Variants in LDB2 observed in about 807,000 individuals in gnomAD.
LDB2 encodes LIM domain-binding protein 2.
Under a neutral mutation model 44.3 loss-of-function variants are expected in LDB2, and 12 were observed. The observed-to-expected ratio is 0.27, with a 90% CI of 0.17 to 0.44. The LOEUF (loss-of-function observed/expected upper bound fraction) is 0.44. LDB2 is among the 20% of genes least tolerant of loss of function. The pLI is 1.00. For missense variants in LDB2, 344 were observed against 473.5 expected (o/e 0.73, Z 2.54); for synonymous variants, 164 against 174.8 (o/e 0.94, Z 0.49).
At chr4:16,730,496 A>T (rs1020690240) in intron 2 of LDB2, among the ~76,000 whole-genome samples, 6 of 152,208 alleles carry the variant, frequency 3.9e-5, no homozygotes, top group Non-Finnish European at 5.9e-5. Context: ...ACAGATTTTT[A>T]AAAAATAATA....
chr4:16,817,114 G>A (rs917552916), intron 1 of LDB2, among the ~76,000 whole-genome samples: 1 of 152,144 alleles, frequency 6.6e-6, no homozygotes, highest in Non-Finnish European at 1.5e-5. Context: ...GGCATGTAAC[G>A]CACTCTTAGT....
intron 2 of LDB2, among the ~76,000 whole-genome samples, chr4:16,616,754 G>C (rs1727454339): frequency 6.6e-6 from 1 of 152,102 alleles, no homozygotes; most frequent in Admixed American, 6.5e-5. Context: ...CAGGGACATA[G>C]AGCTTGGCTG....
intron 1 of LDB2, among the ~76,000 whole-genome samples, chr4:16,857,600 G>A (rs976499098): frequency 3.3e-5 from 5 of 152,080 alleles, no homozygotes; most frequent in East Asian, 1.9e-4. Context: ...ACTCTGCTCC[G>A]AGCACAAAGA....
intron 1 of LDB2, among the ~76,000 whole-genome samples, chr4:16,894,471 A>C (rs1580563580): frequency 6.6e-6 from 1 of 152,178 alleles, no homozygotes; most frequent in African/African-American, 2.4e-5. Flanking sequence ...GCAGCATTTA[A>C]AATATACTTT....
chr4:16,876,556 G>A (rs749339696), intron 1 of LDB2, among the ~76,000 whole-genome samples: 1 of 152,114 alleles, frequency 6.6e-6, no homozygotes, highest in African/African-American at 2.4e-5. Context: ...GTGAGTTACT[G>A]TTGCTATAGA....
intron 2 of LDB2, chr4:16,674,302 C>T: frequency 7.8e-7 from 1 of 1,282,898 alleles, no homozygotes. Context: ...CCTCTGGCAT[C>T]TGCCGCTGAA....
At chr4:16,797,740 G>A (rs770847264) in intron 1 of LDB2, among the ~76,000 whole-genome samples, 1 of 151,852 alleles carries the variant, frequency 6.6e-6, no homozygotes, top group Non-Finnish European at 1.5e-5. Context: ...CACTACTTAA[G>A]AGCTGTATAA....
chr4:16,668,987 C>G (rs887977503), intron 2 of LDB2, among the ~76,000 whole-genome samples: 1 of 152,182 alleles, frequency 6.6e-6, no homozygotes, highest in African/African-American at 2.4e-5. Flanking sequence ...GTCACATGCT[C>G]ATCTCTATAC....
At chr4:16,843,409 A>G (rs1010703038) in intron 1 of LDB2, among the ~76,000 whole-genome samples, 5 of 152,152 alleles carry the variant, frequency 3.3e-5, no homozygotes, top group Non-Finnish European at 7.4e-5. Flanking sequence ...GACAACAAAC[A>G]GTTGTAAATG....
chr4:16,723,308 A>C (rs1758709846), intron 2 of LDB2, among the ~76,000 whole-genome samples: 1 of 152,186 alleles, frequency 6.6e-6, no homozygotes, highest in Non-Finnish European at 1.5e-5. Context: ...TGGTGCCAGC[A>C]CCTGGTGAGA....
chr4:16,748,248 C>A (rs1161092792), intron 2 of LDB2, among the ~76,000 whole-genome samples: 1 of 152,060 alleles, frequency 6.6e-6, no homozygotes, highest in African/African-American at 2.4e-5. Context: ...CATATTGTGA[C>A]AGGGAAGTTC....
chr4:16,648,392 A>G (rs533446625), intron 2 of LDB2, among the ~76,000 whole-genome samples: 1 of 152,346 alleles, frequency 6.6e-6, no homozygotes, highest in South Asian at 2.1e-4. Context: ...GGGAAAGAAC[A>G]TAGTCTAAGG....
intron 2 of LDB2, among the ~76,000 whole-genome samples, chr4:16,604,802 C>T (rs897300750): frequency 1.3e-4 from 20 of 151,994 alleles, no homozygotes; most frequent in Admixed American, 2.6e-4. Context: ...CTTTAGAAAA[C>T]GATTCATTAA....
At chr4:16,676,128 G>T (rs933342921) in intron 2 of LDB2, among the ~76,000 whole-genome samples, 1 of 152,166 alleles carries the variant, frequency 6.6e-6, no homozygotes, top group African/African-American at 2.4e-5. Flanking sequence ...ATTTCCCACC[G>T]CAGGGCGTGG....
At chr4:16,560,076 G>C (rs2152376396) in intron 5 of LDB2, among the ~76,000 whole-genome samples, 1 of 152,186 alleles carries the variant, frequency 6.6e-6, no homozygotes, top group South Asian at 2.1e-4. Context: ...AGTGTGTAGA[G>C]GGAAATTTAT....
At chr4:16,810,960 G>C (rs979226388) in intron 1 of LDB2, among the ~76,000 whole-genome samples, 29 of 152,186 alleles carry the variant, frequency 1.9e-4, no homozygotes, top group African/African-American at 6.5e-4. Context: ...CAGACTGGTG[G>C]GGGGTGGTGG....
chr4:16,725,293 G>A (rs1233812575), intron 2 of LDB2, among the ~76,000 whole-genome samples: 1 of 151,908 alleles, frequency 6.6e-6, no homozygotes, highest in Non-Finnish European at 1.5e-5. Context: ...CATCTGGAGA[G>A]AGAGAAAGAC....
intron 2 of LDB2, among the ~76,000 whole-genome samples, chr4:16,682,521 C>G (rs750665658): frequency 1.1e-4 from 16 of 152,294 alleles, no homozygotes; most frequent in Non-Finnish European, 1.8e-4. Flanking sequence ...GTTAGATACC[C>G]AGTAAATGTT....
At chr4:16,880,484 T>C (rs1421232625) in intron 1 of LDB2, among the ~76,000 whole-genome samples, 4 of 152,194 alleles carry the variant, frequency 2.6e-5, no homozygotes, top group African/African-American at 7.2e-5. Flanking sequence ...ACATGTCCCA[T>C]AGCCTTCTGT....
Sources: allele counts gnomAD v4.1 joint callset (sites outside exome capture counted in the v4.1 genomes callset), GRCh38; gene constraint gnomAD v4.1.1; transcripts MANE v1.5; gene names NCBI Gene and HGNC (gene_info 2026-07-23, HGNC 2026-07-21).